Variants in RAI1 observed in about 807,000 individuals in gnomAD.
The protein encoded by RAI1 is retinoic acid-induced protein 1.
Under a neutral mutation model 123.8 loss-of-function variants are expected in RAI1, and 9 were observed. That is an observed-to-expected ratio of 0.07 (90% CI 0.04 to 0.13). The LOEUF (loss-of-function observed/expected upper bound fraction) is 0.13. Among genes scored for constraint, RAI1 ranks in the 10% least tolerant of loss-of-function variants. The probability of loss-of-function intolerance (pLI) is 1.00; values close to 1 mark genes in which losing one functional copy is unlikely to be tolerated. For missense variants in RAI1, 2,256 were observed against 2,545.8 expected (o/e 0.89, Z 2.45); for synonymous variants, 1,231 against 1,127.3 (o/e 1.09, Z -1.84).
At chr17:17,757,308 G>T (rs1403582638) in intron 2 of RAI1, among the ~76,000 whole-genome samples, 1 of 152,232 alleles carries the variant, frequency 6.6e-6, no homozygotes, top group Non-Finnish European at 1.5e-5. Flanking sequence ...AGAGGCCAAG[G>T]TGGGTTTGCG....
chr17:17,785,300 C>T (rs891962253), intron 2 of RAI1, among the ~76,000 whole-genome samples: 2 of 152,208 alleles, frequency 1.3e-5, no homozygotes, highest in African/African-American at 4.8e-5. Context: ...GGGTATCATC[C>T]CTTTGGTCTG....
intron 2 of RAI1, chr17:17,778,388 C>T (rs377441590): frequency 3.4e-5 from 8 of 232,556 alleles, no homozygotes; most frequent in African/African-American, 1.6e-4. Context: ...CCCCTGCCAG[C>T]TACCAAGCAC....
intron 2 of RAI1, among the ~76,000 whole-genome samples, chr17:17,725,390 G>A (rs1418809664): frequency 6.6e-6 from 1 of 152,180 alleles, no homozygotes; most frequent in African/African-American, 2.4e-5. Context: ...CGGACGCCTC[G>A]ACCCCTCCCT....
At chr17:17,704,854 G>A (rs1056994640) in intron 1 of RAI1, among the ~76,000 whole-genome samples, 9 of 93,006 alleles carry the variant, frequency 9.7e-5, no homozygotes, top group African/African-American at 5.7e-4. Flanking sequence ...GCTTCCTGGT[G>A]GTTTTTGGGT....
intron 1 of RAI1, among the ~76,000 whole-genome samples, chr17:17,704,279 C>T (rs1915323515): frequency 6.6e-6 from 1 of 152,254 alleles, no homozygotes; most frequent in Non-Finnish European, 1.5e-5. Flanking sequence ...CAAGGTGTGA[C>T]CTTGGCTCCA....
chr17:17,697,829 C>T (rs1219323878), intron 1 of RAI1, among the ~76,000 whole-genome samples: 1 of 152,202 alleles, frequency 6.6e-6, no homozygotes, highest in Non-Finnish European at 1.5e-5. Flanking sequence ...CAGGCAGTAT[C>T]CACAGCAGGT....
Position 17,774,750 on chromosome 17 carries a change from GCTAA to G in RAI1, c.-16-18180_-16-18177del, listed in dbSNP as rs1297891000. Among the ~76,000 whole-genome samples the G allele has an allele frequency of 1.3e-5, 2 of 152,262 alleles. 1 individual carries two copies. Among genetic ancestry groups the G allele is most frequent in the African/African-American group, 4.8e-5 (2 of 41,472 alleles). ...AAACATTTACCTTTTAAAAGTAACAGCTAACTTAGTTGCGCCCTCCTCTGCCCAG... is the reference window on the plus strand; with the variant it reads ...AAACATTTACCTTTTAAAAGTAACAGCTTAGTTGCGCCCTCCTCTGCCCAG... On this transcript the variant is annotated intron_variant, in intron 2 of 5. Coordinates refer to ENST00000353383, the MANE Select transcript of RAI1 (RefSeq NM_030665.4).
intron 2 of RAI1, among the ~76,000 whole-genome samples, chr17:17,782,750 G>A (rs993374863): frequency 2.6e-5 from 4 of 152,076 alleles, no homozygotes; most frequent in African/African-American, 7.2e-5. Context: ...GGGGCCCGGC[G>A]AGCCGGGCGC....
In RAI1 at chr17:17,714,937, C is replaced by T. The variant is rs1040983837; in HGVS notation, c.-148-9091C>T. On this transcript the variant is annotated intron_variant, in intron 1 of 5. Coordinates refer to ENST00000353383, the MANE Select transcript of RAI1 (RefSeq NM_030665.4). The surrounding 1 kb of genome is among the most constrained non-coding windows in gnomAD (Gnocchi z 4.9). ...GAGAGGTAGTAATGTCGCCTTCCAC[C>T]TCATGGACTTCCCAGTTTAGAATGC... Among the ~76,000 whole-genome samples, 1 of 152,248 alleles carries T rather than the reference C, an allele frequency of 6.6e-6. No individual in the cohort carries two copies. Among genetic ancestry groups the T allele is most frequent in the African/African-American group, 2.4e-5 (1 of 41,468 alleles).
chr17:17,787,661 T>C (rs2031873186), intron 2 of RAI1, among the ~76,000 whole-genome samples: 2 of 152,078 alleles, frequency 1.3e-5, no homozygotes, highest in Non-Finnish European at 2.9e-5. Context: ...GCGGCCCAGG[T>C]CTCCCGGCCT....
Position 17,810,088 on chromosome 17 carries a change from G to C in RAI1, c.*107G>C. The stretch of plus-strand genomic sequence containing the variant: ...CCCGGGCCTTTGAGCTGCTCCCAGC[G>C]CTGGTCCAGAGCCGATCCTTGATCC... On this transcript the variant is annotated 3_prime_UTR_variant, in exon 6 of 6. Coordinates refer to ENST00000353383, the MANE Select transcript of RAI1 (RefSeq NM_030665.4). The surrounding 1 kb of genome is among the most constrained non-coding windows in gnomAD (Gnocchi z 4.6). 3 of 1,436,630 alleles carry C rather than the reference G, an allele frequency of 2.1e-6. No homozygotes were observed. The highest frequency in any genetic ancestry group is 1.3e-5 in the South Asian group (1 of 78,084). 89.0% of individuals were successfully genotyped at this position (1,436,630 alleles called of 1,614,324 possible). A position where few individuals can be genotyped will look rare whatever the true frequency, so the allele number is the denominator to read the frequency against.
chr17:17,703,848 A>G (rs1250706977), intron 1 of RAI1, among the ~76,000 whole-genome samples: 2 of 152,198 alleles, frequency 1.3e-5, no homozygotes, highest in East Asian at 3.9e-4. Context: ...CTTTTGTTCC[A>G]TTCCACTCTG....
At chr17:17,786,936 T>C (rs1285916394) in intron 2 of RAI1, among the ~76,000 whole-genome samples, 1 of 152,144 alleles carries the variant, frequency 6.6e-6, no homozygotes, top group East Asian at 1.9e-4. Flanking sequence ...AGCTGGGCGT[T>C]GTGGCACATG....
intron 2 of RAI1, chr17:17,778,422 A>G (rs893948151): frequency 2.8e-5 from 8 of 282,876 alleles, no homozygotes; most frequent in Non-Finnish European, 2.1e-5. Context: ...GTCCCACAAC[A>G]GCACTGAAAG....
chr17:17,748,662 A>G (rs2030023644), intron 2 of RAI1, among the ~76,000 whole-genome samples: 1 of 151,942 alleles, frequency 6.6e-6, no homozygotes, highest in African/African-American at 2.4e-5. Context: ...AAGGTGTAGG[A>G]GGATGGGAGC....
chr17:17,767,813 C>G (rs1002882996), intron 2 of RAI1, among the ~76,000 whole-genome samples: 13 of 152,210 alleles, frequency 8.5e-5, no homozygotes, highest in African/African-American at 3.1e-4. Context: ...AGCCTTGCTA[C>G]TCACAGGTGG....
chr17:17,788,391 T>TA (rs1329750325), intron 2 of RAI1, among the ~76,000 whole-genome samples: 1 of 152,140 alleles, frequency 6.6e-6, no homozygotes, highest in Admixed American at 6.5e-5. Flanking sequence ...ATTGAGCCCA[T>TA]ACGATAGCAG....
In RAI1 at chr17:17,728,157, G is replaced by T. The variant is rs1598039329; in HGVS notation, c.-17+3998G>T. Among the ~76,000 whole-genome samples, 4 of 152,142 alleles carry T rather than the reference G, an allele frequency of 2.6e-5. No individual in the cohort carries two copies. In the South Asian group the frequency reaches 8.3e-4, roughly 32 times the overall value. ...GGTGCCCCCGAGCTCGGTCTTGTGT[G>T]TGCGCGTGCATGCATGTGTGCATGT... On this transcript the variant is annotated intron_variant, in intron 2 of 5. Coordinates refer to ENST00000353383, the MANE Select transcript of RAI1 (RefSeq NM_030665.4).
intron 2 of RAI1, among the ~76,000 whole-genome samples, chr17:17,724,801 T>A (rs1916023051): frequency 6.6e-6 from 1 of 152,004 alleles, no homozygotes; most frequent in Non-Finnish European, 1.5e-5. Context: ...GGTCGCGCTC[T>A]CCCCACCCCC....
Sources: gnomAD v4.1 joint callset for allele counts (sites outside exome capture counted in the v4.1 genomes callset) on GRCh38, gnomAD v4.1.1 for gene constraint, Gnocchi (gnomAD v3.1) non-coding constraint, MANE v1.5 for transcripts, NCBI Gene and HGNC (gene_info 2026-07-23, HGNC 2026-07-21) for gene names.